The following ZZZ3 variants were observed in gnomAD, a reference collection of about 807,000 sequenced individuals.
ZZZ3 encodes the protein ZZ-type zinc finger-containing protein 3.
In ZZZ3, 22 loss-of-function variants were observed where a neutral mutation model predicts 95.2. The observed-to-expected ratio is 0.23, with a 90% CI of 0.17 to 0.33. The LOEUF (loss-of-function observed/expected upper bound fraction) is 0.33. Among genes scored for constraint, ZZZ3 ranks in the 10% least tolerant of loss-of-function variants. The pLI, the probability that ZZZ3 is intolerant of heterozygous loss-of-function variation, is 1.00. For missense variants in ZZZ3, 885 were observed against 1,066.5 expected, an observed-to-expected ratio of 0.83 and a Z score of 2.37; for synonymous variants, 335 against 358.9, an observed-to-expected ratio of 0.93 and a Z score of 0.75.
intron 5 of ZZZ3, among the ~76,000 whole-genome samples, chr1:77,608,702 C>A (rs561585730): frequency 6.8e-4 from 103 of 151,860 alleles, no homozygotes; most frequent in Non-Finnish European, 1.3e-3. Context: ...CAAGACATAG[C>A]ACAAAAAGAT....
At chr1:77,584,454 CA>C in intron 6 of ZZZ3, 62 bp downstream of exon 6, 1 of 1,494,702 alleles carries the variant, frequency 6.7e-7, no homozygotes, top group Admixed American at 2.3e-5. Flanking sequence ...AAGAATTAAC[CA>C]AATTCTCTTA....
At chr1:77,634,567 TACTTAC>T (rs1412607619) in intron 4 of ZZZ3, among the ~76,000 whole-genome samples, 9 of 152,124 alleles carry the variant, frequency 5.9e-5, no homozygotes, top group Admixed American at 5.9e-4. Flanking sequence ...CTGAAGCAAA[TACTTAC>T]ATTTAAGAAA....
intron 12 of ZZZ3, among the ~76,000 whole-genome samples, chr1:77,574,848 G>A (rs1400084366): frequency 6.6e-6 from 1 of 152,162 alleles, no homozygotes; most frequent in Non-Finnish European, 1.5e-5. Flanking sequence ...AAACCTCATT[G>A]GTCATCTTTG....
At chr1:77,569,633 A>G (rs1661174786) in intron 12 of ZZZ3, among the ~76,000 whole-genome samples, 1 of 152,186 alleles carries the variant, frequency 6.6e-6, no homozygotes, top group Non-Finnish European at 1.5e-5. Flanking sequence ...AATAATCTTC[A>G]TCTTCATTCC....
intron 5 of ZZZ3, among the ~76,000 whole-genome samples, chr1:77,626,240 C>G (rs1046759342): frequency 1.3e-5 from 2 of 152,088 alleles, no homozygotes; most frequent in African/African-American, 4.8e-5. Context: ...GAACTGGTTT[C>G]ATGAAGGACA....
At chr1:77,657,538 C>T (rs930811393) in intron 1 of ZZZ3, among the ~76,000 whole-genome samples, 1 of 152,148 alleles carries the variant, frequency 6.6e-6, no homozygotes, top group Non-Finnish European at 1.5e-5. Flanking sequence ...ATGTGTACAT[C>T]AAGCAACTCA....
At chr1:77,659,673 G>A (rs1405347785) in intron 1 of ZZZ3, among the ~76,000 whole-genome samples, 3 of 136,938 alleles carry the variant, frequency 2.2e-5, no homozygotes, top group Middle Eastern at 4.3e-3. Flanking sequence ...GTGACAAAGA[G>A]AGACTCCATC....
At position 77,643,519 on chromosome 1, in the gene ZZZ3, A is replaced by T. The variant is rs559203969; in HGVS notation, c.-402-1864T>A. On this transcript the variant is annotated intron_variant, in intron 1 of 14. Coordinates refer to ENST00000370801, the MANE Select transcript of ZZZ3 (RefSeq NM_015534.6). ...CTATCCAAGTCCTATTCCTAAAGCCATCTTATTTATTCCCTTGGAACAGAG... is the reference window on the plus strand; with the variant it reads ...CTATCCAAGTCCTATTCCTAAAGCCTTCTTATTTATTCCCTTGGAACAGAG... Among the ~76,000 whole-genome samples, 286 of 152,364 alleles carry T rather than the reference A, an allele frequency of 1.9e-3. 4 individuals are homozygous for T. The highest frequency in any genetic ancestry group is 6.6e-3 in the African/African-American group (274 of 41,590).
Position 77,632,962 on chromosome 1 carries a change from T to C in ZZZ3, c.393A>G (p.Ser131=), listed in dbSNP as rs1468528972. The C allele has an allele frequency of 1.2e-6, 2 of 1,614,068 alleles. No homozygotes were observed. The highest frequency in any genetic ancestry group is 2.2e-5 in the East Asian group (1 of 44,894). The change falls in exon 5 of 15, where the codon TCA becomes TCG. Residue 131 remains serine (S), a synonymous_variant. Transcript: ENST00000370801. The part of the protein sequence containing the change: ...RCLRSEAPNS[S]EEDSPIKSDK... ...CTGATTTTATAGGAGAATCTTCTTC[T>C]GAACTGTTTGGTGCTTCAGATCTAA...
At chr1:77,568,292 AAATAAAATG>A (rs768216462) in intron 13 of ZZZ3, 31 bp downstream of exon 13, 88 of 1,425,128 alleles carry the variant, frequency 6.2e-5, no homozygotes, top group Admixed American at 2.6e-4. Context: ...ATAAATAAAT[AAATAAAATG>A]AAATGAATCC....
chr1:77,637,777 C>A (rs144014027), intron 4 of ZZZ3, among the ~76,000 whole-genome samples: 35 of 152,236 alleles, frequency 2.3e-4, no homozygotes, highest in African/African-American at 7.5e-4. Flanking sequence ...AGCTGCATTG[C>A]AAAATGTTTC....
At chr1:77,637,061 C>T (rs1668370971) in intron 4 of ZZZ3, among the ~76,000 whole-genome samples, 2 of 152,120 alleles carry the variant, frequency 1.3e-5, no homozygotes. Context: ...TACGAGGCTC[C>T]GCCCCAGACC....
At chr1:77,604,730 A>G (rs545590861) in intron 5 of ZZZ3, among the ~76,000 whole-genome samples, 1 of 152,226 alleles carries the variant, frequency 6.6e-6, no homozygotes, top group Non-Finnish European at 1.5e-5. Context: ...ACACTTAACC[A>G]TATTCTTTTT....
chr1:77,639,167 G>T lies in ZZZ3; in HGVS notation c.-52+282C>A, dbSNP rs1038983. Among the ~76,000 whole-genome samples, 1,305 of 151,720 alleles carry T rather than the reference G, an allele frequency of 8.6e-3. 5 individuals are homozygous for T. Among genetic ancestry groups the T allele is most frequent in the Middle Eastern group, 0.017 (5 of 294 alleles). On this transcript the variant is annotated intron_variant, in intron 4 of 14. Transcript: ENST00000370801. ...TAAATGAACACACACTTTAAAAGAC[G>T]ATCAGGAAAAGGAAGTCAAGGAATT...
chr1:77,596,929 T>C (rs748462684), intron 5 of ZZZ3, among the ~76,000 whole-genome samples: 17 of 152,080 alleles, frequency 1.1e-4, no homozygotes, highest in Non-Finnish European at 1.9e-4. Flanking sequence ...TATACATGGG[T>C]TCATATACAC....
At position 77,619,897 on chromosome 1, in the gene ZZZ3, T is replaced by C. The variant is rs537208676; in HGVS notation, c.1505+11953A>G. On this transcript the variant is annotated intron_variant, in intron 5 of 14. Coordinates refer to ENST00000370801, the MANE Select transcript of ZZZ3 (RefSeq NM_015534.6). Reference sequence around the variant, plus strand: ...AAAGTCAAATAATGGTATTTAAATTTTTCTACTATGAAAAGCATGCTAAAT... The same window carrying C: ...AAAGTCAAATAATGGTATTTAAATTCTTCTACTATGAAAAGCATGCTAAAT... 2.0e-3 allele frequency among the ~76,000 whole-genome samples: 300 copies of C among 152,238 alleles called. 1 individual carries two copies. Among genetic ancestry groups the C allele is most frequent in the Non-Finnish European group, 3.2e-3 (216 of 67,976 alleles).
chr1:77,596,699 AAG>A lies in ZZZ3; in HGVS notation c.1506-12046_1506-12045del, dbSNP rs575175749. Reference sequence around the variant, plus strand: ...TACATAGCACTGTATTCTAGTTGATAAGAGTTTTTCACAATTCACAATTAACA... The same window carrying A: ...TACATAGCACTGTATTCTAGTTGATAAGTTTTTCACAATTCACAATTAACA... On this transcript the variant is annotated intron_variant, in intron 5 of 14. Coordinates refer to ENST00000370801, the MANE Select transcript of ZZZ3 (RefSeq NM_015534.6). Among the ~76,000 whole-genome samples, 80 of 152,244 alleles carry A rather than the reference AAG, an allele frequency of 5.3e-4. No homozygotes were observed. In the Middle Eastern group the frequency reaches 0.01, roughly 19 times the overall value.
At position 77,576,107 on chromosome 1, in the gene ZZZ3, A is replaced by C; in HGVS notation, c.2292T>G (p.Cys764Trp). Residue 764 changes from cysteine to tryptophan, a missense_variant, in exon 12 of 15, where the codon TGT becomes TGG. Physicochemically the swap from Cys to Trp is radical, Grantham distance 215 (BLOSUM62 -2). Coordinates refer to ENST00000370801, the MANE Select transcript of ZZZ3 (RefSeq NM_015534.6). ...CAGCAGTGTTCATGTGGCTATGAAA[A>C]CAAGATCGGTCATCATCTTCATCCA... The part of the protein sequence containing the change: ...VYMDEDDDRS[C>W]FHSHMNTAVE... 6.2e-7 allele frequency: 1 copy of C among 1,612,456 alleles called. No homozygotes were observed. The highest frequency in any genetic ancestry group is 8.5e-7 in the Non-Finnish European group (1 of 1,179,612).
At chr1:77,652,017 CAAA>C (rs772354211) in intron 1 of ZZZ3, among the ~76,000 whole-genome samples, 7 of 74,320 alleles carry the variant, frequency 9.4e-5, no homozygotes, top group Admixed American at 1.5e-4. Flanking sequence ...ACTCCATCTC[CAAA>C]AAAAAAAAAA....
Sources: gnomAD v4.1 joint callset for allele counts (sites outside exome capture counted in the v4.1 genomes callset) on GRCh38, gnomAD v4.1.1 for gene constraint, MANE v1.5 for transcripts, NCBI Gene and HGNC (gene_info 2026-07-23, HGNC 2026-07-21) for gene names.